Variants in CDH12 observed in about 807,000 individuals in gnomAD.
CDH12 encodes cadherin-12.
Under a neutral mutation model 74.1 loss-of-function variants are expected in CDH12, and 41 were observed. The observed-to-expected ratio is 0.55, with a 90% confidence interval of 0.43 to 0.72. The LOEUF (loss-of-function observed/expected upper bound fraction) is 0.72, where lower values mean the gene tolerates loss of function less well. Ranked by LOEUF, CDH12 falls within the 30% of genes least tolerant of loss-of-function variation. CDH12 has a pLI of 0.00. For synonymous variants in CDH12, 399 were observed against 355.0 expected, an observed-to-expected ratio of 1.12 and a Z score of -1.39; for missense variants, 945 against 977.2, an observed-to-expected ratio of 0.97 and a Z score of 0.44.
intron 10 of CDH12, among the ~76,000 whole-genome samples, chr5:21,791,076 A>T (rs1234726257): frequency 6.6e-6 from 1 of 151,968 alleles, no homozygotes; most frequent in Non-Finnish European, 1.5e-5. Context: ...GCTGACACCC[A>T]TTTGAACAGT....
intron 1 of CDH12, among the ~76,000 whole-genome samples, chr5:22,648,748 T>C (rs1739572648): frequency 6.8e-6 from 1 of 146,594 alleles, no homozygotes; most frequent in Admixed American, 7.6e-5. Flanking sequence ...ATTTAATAGA[T>C]TGCTTATTAT....
intron 10 of CDH12, among the ~76,000 whole-genome samples, chr5:21,789,589 C>A (rs1175773219): frequency 6.6e-6 from 1 of 152,074 alleles, no homozygotes; most frequent in Non-Finnish European, 1.5e-5. Flanking sequence ...CATCCTGCTG[C>A]CATTCATTAA....
At chr5:22,382,451 C>A (rs1741809262) in intron 3 of CDH12, among the ~76,000 whole-genome samples, 1 of 151,828 alleles carries the variant, frequency 6.6e-6, no homozygotes, top group African/African-American at 2.4e-5. Flanking sequence ...TAGAGATGCA[C>A]CATGAGTGTT....
intron 3 of CDH12, among the ~76,000 whole-genome samples, chr5:22,225,325 T>G (rs1752157750): frequency 6.6e-6 from 1 of 152,118 alleles, no homozygotes; most frequent in African/African-American, 2.4e-5. Context: ...GAAAAATGTT[T>G]TGTATTCAGA....
chr5:22,836,223 C>CTCTTTTTTTTTTTT (rs1736814730), intron 1 of CDH12, among the ~76,000 whole-genome samples: 5 of 65,506 alleles, frequency 7.6e-5, no homozygotes, highest in African/African-American at 1.2e-4. Context: ...CTTTCTTTCT[C>CTCTTTTTTTTTTTT]TTTTTTTTTT....
chr5:22,095,636 G>C (rs921634067), intron 4 of CDH12, among the ~76,000 whole-genome samples: 1 of 151,082 alleles, frequency 6.6e-6, no homozygotes, highest in Admixed American at 6.6e-5. Flanking sequence ...TTAGTGGCAA[G>C]TACTGCTTTT....
chr5:21,910,564 G>C (rs1241603814), intron 6 of CDH12, among the ~76,000 whole-genome samples: 1 of 152,142 alleles, frequency 6.6e-6, no homozygotes, highest in African/African-American at 2.4e-5. Context: ...TGAATTTGCA[G>C]TGGGTTGGCC....
chr5:21,765,142 G>A (rs1395733020), intron 11 of CDH12, 43 bp from the exon 12 acceptor site: 2 of 1,441,306 alleles, frequency 1.4e-6, no homozygotes, highest in African/African-American at 1.5e-5. Context: ...ACAAAATCCG[G>A]TCAGTTATTG....
At chr5:22,453,634 G>A (rs1327401903) in intron 2 of CDH12, among the ~76,000 whole-genome samples, 4 of 152,066 alleles carry the variant, frequency 2.6e-5, no homozygotes, top group South Asian at 2.1e-4. Flanking sequence ...GTTACACTTC[G>A]CTAGGAGGAA....
At chr5:22,029,388 T>A (rs1417228615) in intron 5 of CDH12, among the ~76,000 whole-genome samples, 1 of 151,862 alleles carries the variant, frequency 6.6e-6, no homozygotes, top group Non-Finnish European at 1.5e-5. Context: ...ATATCCAGAA[T>A]CTACAATGAA....
rs539319708 is a variant in CDH12, at chr5:22,664,497, ATTCAATTATCTCCACCTGATCTCACCC to A, written c.-522-159160_-522-159134del. On this transcript the variant is annotated intron_variant, in intron 1 of 14. Transcript: ENST00000382254. ...GAGCATGGGGAAAACTGCCCCTGTG[ATTCAATTATCTCCACCTGATCTCACCC>A]TTGACTCGTAGGGATTATGGGGATT... is the stretch of plus-strand genomic sequence containing the variant. Among the ~76,000 whole-genome samples the A allele has an allele frequency of 2.4e-4, 36 of 152,292 alleles. No homozygotes were observed. In the South Asian group the frequency reaches 7.5e-3, roughly 32 times the overall value.
At chr5:22,191,671 T>C (rs1750310033) in intron 4 of CDH12, among the ~76,000 whole-genome samples, 1 of 115,558 alleles carries the variant, frequency 8.7e-6, no homozygotes, top group Non-Finnish European at 1.9e-5. Flanking sequence ...TTCACGCCAT[T>C]CTCCTGCCTC....
chr5:22,532,642 A>G (rs955001016), intron 1 of CDH12, among the ~76,000 whole-genome samples: 1 of 151,720 alleles, frequency 6.6e-6, no homozygotes, highest in African/African-American at 2.4e-5. Flanking sequence ...AATCTATAGT[A>G]TGCTGAGTCC....
intron 10 of CDH12, among the ~76,000 whole-genome samples, chr5:21,789,856 T>A (rs901417144): frequency 1.3e-5 from 2 of 152,142 alleles, no homozygotes; most frequent in African/African-American, 4.8e-5. Context: ...GAGCAGAGAC[T>A]AGCTTTGTTC....
intron 5 of CDH12, among the ~76,000 whole-genome samples, chr5:22,041,721 A>C (rs1250666232): frequency 6.6e-6 from 1 of 152,170 alleles, no homozygotes; most frequent in Non-Finnish European, 1.5e-5. Flanking sequence ...AAAGGCCTTC[A>C]ATACTCCACT....
At chr5:21,791,929 T>C (rs946013158) in intron 10 of CDH12, among the ~76,000 whole-genome samples, 5 of 151,910 alleles carry the variant, frequency 3.3e-5, no homozygotes, top group African/African-American at 7.2e-5. Context: ...AGTTCTCAAC[T>C]ACATGTGTAA....
intron 6 of CDH12, among the ~76,000 whole-genome samples, chr5:21,963,823 C>A (rs1359813481): frequency 2.6e-5 from 4 of 152,040 alleles, no homozygotes; most frequent in Non-Finnish European, 5.9e-5. Context: ...TTTGTGAATT[C>A]AAACTGTTAA....
chr5:22,622,308 C>T (rs910259150), intron 1 of CDH12, among the ~76,000 whole-genome samples: 1 of 145,362 alleles, frequency 6.9e-6, no homozygotes, highest in Non-Finnish European at 1.5e-5. Context: ...AAAATAGGGA[C>T]ATCAGGAAGA....
At chr5:22,361,629 C>T (rs1399816522) in intron 3 of CDH12, among the ~76,000 whole-genome samples, 1 of 152,146 alleles carries the variant, frequency 6.6e-6, no homozygotes, top group East Asian at 1.9e-4. Flanking sequence ...CAAGTCAATC[C>T]TAAGCCAAAA....
Sources: gnomAD v4.1 joint callset for allele counts (sites outside exome capture counted in the v4.1 genomes callset) on GRCh38, gnomAD v4.1.1 for gene constraint, MANE v1.5 for transcripts, NCBI Gene and HGNC (gene_info 2026-07-23, HGNC 2026-07-21) for gene names.